Variants in SCN8A observed in about 807,000 individuals in gnomAD.
SCN8A encodes the protein sodium channel protein type 8 subunit alpha.
In SCN8A, 30 loss-of-function variants were observed where a neutral mutation model predicts 184.1. The ratio of observed to expected loss-of-function variants is 0.16; its 90% CI spans 0.12 to 0.22. The LOEUF (loss-of-function observed/expected upper bound fraction) is 0.22, where lower values mean the gene tolerates loss of function less well. Ranked by LOEUF, SCN8A falls within the 10% of genes least tolerant of loss-of-function variation. The pLI is 1.00. For synonymous variants in SCN8A, 852 were observed against 907.0 expected (o/e 0.94, Z 1.09); for missense variants, 1,057 against 2,498.9 (o/e 0.42, Z 12.30).
intron 1 of SCN8A, among the ~76,000 whole-genome samples, chr12:51,657,562 C>CCCATTCTACTG (rs1171242199): frequency 6.6e-6 from 1 of 152,060 alleles, no homozygotes; most frequent in Non-Finnish European, 1.5e-5. Context: ...AATATTTTCT[C>CCCATTCTACTG]CCATTCTACT....
intron 15 of SCN8A, among the ~76,000 whole-genome samples, chr12:51,763,580 G>A (rs1224757477): frequency 6.6e-6 from 1 of 152,178 alleles, no homozygotes; most frequent in Non-Finnish European, 1.5e-5. Flanking sequence ...TCTATCATTA[G>A]CTAAAAAGGA....
At chr12:51,596,910 A>G (rs1939361236) in intron 1 of SCN8A, among the ~76,000 whole-genome samples, 1 of 152,176 alleles carries the variant, frequency 6.6e-6, no homozygotes, top group South Asian at 2.1e-4. Flanking sequence ...GACCATTGTT[A>G]CCTGGACTTC....
intron 13 of SCN8A, among the ~76,000 whole-genome samples, chr12:51,750,245 T>C (rs749780565): frequency 2.0e-5 from 3 of 152,182 alleles, no homozygotes; most frequent in Non-Finnish European, 2.9e-5. Context: ...TCTAGGGAAA[T>C]TCCTGGTGTA....
intron 1 of SCN8A, among the ~76,000 whole-genome samples, chr12:51,603,597 A>G (rs1398693522): frequency 1.3e-5 from 2 of 152,190 alleles, no homozygotes; most frequent in Admixed American, 6.5e-5. Context: ...GTTTACCTTT[A>G]TAAGCAACTA....
Position 51,812,275 on chromosome 12 carries a change from GA to G in SCN8A, c.*4850del. ...AGGGGAGTGTGGTCCAGTGGTTCCAGAAAAGGGACAGAACTGTGTTCTGTCC... is the reference window on the plus strand; with the variant it reads ...AGGGGAGTGTGGTCCAGTGGTTCCAGAAAGGGACAGAACTGTGTTCTGTCC... On this transcript the variant is annotated 3_prime_UTR_variant, in exon 27 of 27. Transcript: ENST00000627620. 1 of 153,196 alleles carries G rather than the reference GA, an allele frequency of 6.5e-6. No homozygotes were observed. The highest frequency in any genetic ancestry group is 1.5e-5 in the Non-Finnish European group (1 of 68,638). The allele number at this position is 153,196 out of a possible 1,614,324, so 9.5% of individuals were successfully genotyped here.
chr12:51,630,890 G>A (rs530210661), intron 1 of SCN8A, among the ~76,000 whole-genome samples: 1 of 152,244 alleles, frequency 6.6e-6, no homozygotes, highest in South Asian at 2.1e-4. Context: ...GGAAATTTGA[G>A]TTTGTTCTAA....
At chr12:51,777,802 A>G (rs1308659019) in intron 20 of SCN8A, among the ~76,000 whole-genome samples, 1 of 152,214 alleles carries the variant, frequency 6.6e-6, no homozygotes, top group Non-Finnish European at 1.5e-5. Context: ...GCCTATAGCC[A>G]CTCAAAGCTT....
intron 11 of SCN8A, among the ~76,000 whole-genome samples, chr12:51,709,836 C>T (rs1366244217): frequency 2.6e-5 from 4 of 152,130 alleles, no homozygotes; most frequent in South Asian, 2.1e-4. Context: ...AGAAAAGGGA[C>T]CCTTGTTCCC....
At chr12:51,672,497 T>C (rs988478101) in intron 2 of SCN8A, among the ~76,000 whole-genome samples, 1 of 152,108 alleles carries the variant, frequency 6.6e-6, no homozygotes, top group Non-Finnish European at 1.5e-5. Context: ...CCCTAAAATG[T>C]TTATATTCCC....
At chr12:51,646,926 T>C (rs1262105059) in intron 1 of SCN8A, among the ~76,000 whole-genome samples, 1 of 152,240 alleles carries the variant, frequency 6.6e-6, no homozygotes, top group Non-Finnish European at 1.5e-5. Flanking sequence ...GAAACCTGTC[T>C]TCATTTTGGA....
At chr12:51,724,001 C>T (rs941546598) in intron 12 of SCN8A, among the ~76,000 whole-genome samples, 1 of 152,294 alleles carries the variant, frequency 6.6e-6, no homozygotes, top group Non-Finnish European at 1.5e-5. Flanking sequence ...CCTAATCTTC[C>T]GTGTGCCAGT....
At chr12:51,687,303 ATTTG>A in intron 5 of SCN8A, 84 bp downstream of exon 5, 1 of 1,474,442 alleles carries the variant, frequency 6.8e-7, no homozygotes, top group Non-Finnish European at 9.4e-7. Flanking sequence ...GTAGGTGTGC[ATTTG>A]TGGACACAGC....
rs56879517 is a variant in SCN8A at position 51,765,654 on chromosome 12, G to GTT, written c.2545-8_2545-7dup. On this transcript the variant is annotated splice_polypyrimidine_tract_variant and intron_variant, in intron 15 of 26. Transcript: ENST00000627620. ...GAGTATCATTTATTTTTTTGTTTGG[G>GTT]TTTTTTTTTTCCTTAGCTCCGAGTC... The GTT allele has an allele frequency of 0.087, 86,949 of 995,536 alleles. 4 individuals carry two copies. Among genetic ancestry groups the GTT allele is most frequent in the Non-Finnish European group, 0.096 (69,660 of 727,982 alleles). 61.7% of individuals were successfully genotyped at this position (995,536 alleles called of 1,614,324 possible). A position where few individuals can be genotyped will look rare whatever the true frequency, so the allele number is the denominator to read the frequency against.
chr12:51,798,372 C>A (rs1007992275), intron 26 of SCN8A, among the ~76,000 whole-genome samples: 1 of 152,314 alleles, frequency 6.6e-6, no homozygotes, highest in East Asian at 1.9e-4. Context: ...GCAGGATAAG[C>A]AAACCCATAT....
intron 14 of SCN8A, among the ~76,000 whole-genome samples, chr12:51,753,662 A>T (rs1378342839): frequency 6.6e-6 from 1 of 152,230 alleles, no homozygotes; most frequent in African/African-American, 2.4e-5. Flanking sequence ...ATAACCTTAA[A>T]TAAGTCATTG....
At chr12:51,600,880 A>G (rs1197252714) in intron 1 of SCN8A, among the ~76,000 whole-genome samples, 1 of 152,222 alleles carries the variant, frequency 6.6e-6, no homozygotes, top group Non-Finnish European at 1.5e-5. Flanking sequence ...AAATTCCATT[A>G]CATTTACCAC....
At chr12:51,740,328 G>A (rs1285407538) in intron 12 of SCN8A, among the ~76,000 whole-genome samples, 2 of 152,164 alleles carry the variant, frequency 1.3e-5, no homozygotes, top group African/African-American at 4.8e-5. Context: ...TATCCCATAG[G>A]TTTTGTTATG....
chr12:51,636,560 G>C (rs942795448), intron 1 of SCN8A, among the ~76,000 whole-genome samples: 3 of 152,194 alleles, frequency 2.0e-5, no homozygotes, highest in Non-Finnish European at 4.4e-5. Context: ...TACTTATATA[G>C]TTTATTTGGC....
At chr12:51,606,931 T>G (rs990220032) in intron 1 of SCN8A, among the ~76,000 whole-genome samples, 1 of 151,738 alleles carries the variant, frequency 6.6e-6, no homozygotes, top group African/African-American at 2.4e-5. Context: ...AGAGTCTTGC[T>G]CTGTCGGCCA....
Sources: allele counts gnomAD v4.1 joint callset (sites outside exome capture counted in the v4.1 genomes callset), GRCh38; gene constraint gnomAD v4.1.1; transcripts MANE v1.5; gene names NCBI Gene and HGNC (gene_info 2026-07-23, HGNC 2026-07-21).